Variants in KYNU observed in about 807,000 individuals in gnomAD.
The protein encoded by KYNU is kynureninase.
Under a neutral mutation model 59.2 loss-of-function variants are expected in KYNU, and 54 were observed. That is an observed-to-expected ratio of 0.91 (90% CI 0.73 to 1.14). The LOEUF is 1.14. Ranked by LOEUF, KYNU falls within the 50% of genes most tolerant of loss-of-function variation. KYNU has a pLI of 0.00. For missense variants in KYNU, 567 were observed against 554.4 expected (o/e 1.02, Z -0.23); for synonymous variants, 177 against 192.0 (o/e 0.92, Z 0.65).
intron 10 of KYNU, among the ~76,000 whole-genome samples, chr2:143,006,361 G>T (rs929628340): frequency 1.3e-5 from 2 of 151,890 alleles, no homozygotes; most frequent in South Asian, 2.1e-4. Context: ...CTTAAAAAAC[G>T]GCGCACCACG....
At chr2:142,979,615 C>G (rs1423446329) in intron 8 of KYNU, among the ~76,000 whole-genome samples, 1 of 151,968 alleles carries the variant, frequency 6.6e-6, no homozygotes, top group Non-Finnish European at 1.5e-5. Flanking sequence ...TATGGGGTAT[C>G]TGAACAAGGG....
At chr2:142,899,117 G>C (rs1477742424) in intron 2 of KYNU, among the ~76,000 whole-genome samples, 3 of 152,090 alleles carry the variant, frequency 2.0e-5, no homozygotes, top group African/African-American at 7.2e-5. Flanking sequence ...GGTGGACAGT[G>C]AGCAAAAGCT....
Position 143,015,303 on chromosome 2 carries a change from A to T in KYNU, c.903-14324A>T, listed in dbSNP as rs1035957040. On this transcript the variant is annotated intron_variant, in intron 10 of 13. Transcript: ENST00000264170. ...CTCTTTTAAGATCAAACAGTTCAAT[A>T]CTAAAAGTAAAAATTTGAATGGAAA... Among the ~76,000 whole-genome samples the T allele has an allele frequency of 2.6e-5, 4 of 152,212 alleles. No homozygotes were observed. The South Asian group carries it at 6.2e-4, about 24-fold the overall frequency.
chr2:143,016,533 T>G (rs936925581), intron 10 of KYNU, among the ~76,000 whole-genome samples: 1 of 152,182 alleles, frequency 6.6e-6, no homozygotes, highest in Admixed American at 6.5e-5. Flanking sequence ...ATGATTAGCT[T>G]GACATCTCAT....
At chr2:143,009,726 T>G (rs1368744478) in intron 10 of KYNU, among the ~76,000 whole-genome samples, 2 of 100,898 alleles carry the variant, frequency 2.0e-5, no homozygotes, top group Non-Finnish European at 3.7e-5. Context: ...TCAAGTGGGC[T>G]TCATCCCTGG....
At chr2:143,014,578 A>G (rs895144949) in intron 10 of KYNU, among the ~76,000 whole-genome samples, 4 of 152,214 alleles carry the variant, frequency 2.6e-5, no homozygotes, top group Non-Finnish European at 5.9e-5. Context: ...TTGTTTTGGA[A>G]CTCAAAGCTA....
intron 5 of KYNU, among the ~76,000 whole-genome samples, chr2:142,955,677 G>A (rs1266951048): frequency 6.6e-6 from 1 of 152,016 alleles, no homozygotes; most frequent in Non-Finnish European, 1.5e-5. Flanking sequence ...CCTGGCCAGT[G>A]ATCAACACTC....
In KYNU at chr2:142,954,909, A is replaced by C. The variant is rs759986427; in HGVS notation, c.435+38A>C. The C allele has an allele frequency of 4.1e-6, 5 of 1,234,466 alleles. No individual in the cohort carries two copies. In the East Asian group the frequency reaches 1.2e-4, roughly 29 times the overall value. The allele number at this position is 1,234,466 out of a possible 1,614,324, so 76.5% of individuals were successfully genotyped here. On this transcript the variant is annotated intron_variant, in intron 5 of 13. Coordinates refer to ENST00000264170, the MANE Select transcript of KYNU (RefSeq NM_003937.3). ...TCCCACTAATGTTTAGAACACATTC[A>C]TTTACAGAATCTGATGTTTTTCTAT...
intron 10 of KYNU, among the ~76,000 whole-genome samples, chr2:142,992,817 T>A (rs764728237): frequency 1.1e-4 from 17 of 152,046 alleles, no homozygotes; most frequent in South Asian, 2.1e-4. Flanking sequence ...CTTTCATAGA[T>A]GAAAAATAAA....
At chr2:142,962,672 A>T (rs1350389728) in intron 8 of KYNU, among the ~76,000 whole-genome samples, 1 of 152,186 alleles carries the variant, frequency 6.6e-6, no homozygotes, top group African/African-American at 2.4e-5. Flanking sequence ...AGTCAAATAA[A>T]TGAAGGTAGG....
rs553897328 is a variant in KYNU at position 143,034,155 on chromosome 2, A to G, written c.1041+834A>G. On this transcript the variant is annotated intron_variant, in intron 12 of 13. Coordinates refer to ENST00000264170, the MANE Select transcript of KYNU (RefSeq NM_003937.3). ...TCATATATAATGTAAATGTATAAATATTTACATAAATAATGTAAATATATA... is the reference window on the plus strand; with the variant it reads ...TCATATATAATGTAAATGTATAAATGTTTACATAAATAATGTAAATATATA... 3.4e-3 allele frequency among the ~76,000 whole-genome samples: 518 copies of G among 151,270 alleles called. 3 individuals are homozygous for G. Among genetic ancestry groups the G allele is most frequent in the Non-Finnish European group, 5.2e-3 (356 of 67,818 alleles).
At chr2:142,921,467 T>C (rs888528080) in intron 3 of KYNU, among the ~76,000 whole-genome samples, 1 of 152,144 alleles carries the variant, frequency 6.6e-6, no homozygotes, top group African/African-American at 2.4e-5. Context: ...TCCCAGCACT[T>C]TGGGAGGCCA....
At chr2:142,884,688 C>CTTTTTTTTTTTTTTTTTTTTT (rs70997529) in intron 1 of KYNU, among the ~76,000 whole-genome samples, 18 of 77,024 alleles carry the variant, frequency 2.3e-4, no homozygotes, top group Admixed American at 3.8e-4. Context: ...TTCTCTTTTC[C>CTTTTTTTTTTTTTTTTTTTTT]TTTTTTTTTT....
Position 142,885,427 on chromosome 2 carries a change from C to A in KYNU, c.60C>A (p.Leu20=). Residue 20 remains leucine (L), a synonymous_variant, in exon 2 of 14, where the codon CTC becomes CTA. Transcript: ENST00000264170. The stretch of plus-strand genomic sequence containing the variant: ...CAGTGCAGCGCATTGCGGCTGAACT[C>A]AAATGCCACCCAACGGATGAGAGGG... ...ADTVQRIAAE[L]KCHPTDERVA... The A allele has an allele frequency of 3.1e-6, 5 of 1,614,076 alleles. No homozygotes were observed. Among genetic ancestry groups the A allele is most frequent in the Middle Eastern group, 1.7e-4 (1 of 6,050 alleles).
At chr2:142,947,269 C>T in intron 4 of KYNU, 4 of 1,533,452 alleles carry the variant, frequency 2.6e-6, no homozygotes, top group Non-Finnish European at 3.5e-6. Context: ...AAGTAGGAAC[C>T]AGACAAATTC....
chr2:143,012,911 T>A (rs1315317146), intron 10 of KYNU, among the ~76,000 whole-genome samples: 1 of 152,206 alleles, frequency 6.6e-6, no homozygotes, highest in Non-Finnish European at 1.5e-5. Context: ...TCTCTGTATA[T>A]TTGAATTTTT....
At chr2:142,961,336 C>T (rs1684343634) in intron 8 of KYNU, among the ~76,000 whole-genome samples, 1 of 126,438 alleles carries the variant, frequency 7.9e-6, no homozygotes, top group Non-Finnish European at 1.6e-5. Context: ...GTAGCAGCTG[C>T]TCTGTGCATT....
At chr2:142,911,928 T>G (rs1161235477) in intron 2 of KYNU, among the ~76,000 whole-genome samples, 6 of 152,318 alleles carry the variant, frequency 3.9e-5, no homozygotes, top group Middle Eastern at 3.4e-3. Flanking sequence ...CTTTTTCATG[T>G]GCTTCTGGAT....
rs1383960630 is a variant in KYNU at position 143,051,384 on chromosome 2, C to G, written c.*9212C>G. The stretch of plus-strand genomic sequence containing the variant: ...AACCAGAATCTTAACAGGAAGAGTG[C>G]TCATTTTAATTGAGCTGATCATGTT... On this transcript the variant is annotated 3_prime_UTR_variant, in exon 14 of 14. Transcript: ENST00000264170. 6.6e-6 allele frequency: 1 copy of G among 151,912 alleles called. No individual in the cohort carries two copies. Among genetic ancestry groups the G allele is most frequent in the East Asian group, 1.9e-4 (1 of 5,190 alleles). 9.4% of individuals were successfully genotyped at this position (151,912 alleles called of 1,614,324 possible).
Sources: gnomAD v4.1 joint callset for allele counts (sites outside exome capture counted in the v4.1 genomes callset) on GRCh38, gnomAD v4.1.1 for gene constraint, MANE v1.5 for transcripts, NCBI Gene and HGNC (gene_info 2026-07-23, HGNC 2026-07-21) for gene names.